Variants in NAV2 observed in about 807,000 individuals in gnomAD.
The protein encoded by NAV2 is helicase, APC down-regulated 1.
A neutral mutation model predicts 223.2 loss-of-function variants in NAV2; 54 were observed. The observed-to-expected ratio is 0.24, with a 90% CI of 0.19 to 0.30. NAV2 has a LOEUF of 0.30. Among genes scored for constraint, NAV2 ranks in the 10% least tolerant of loss-of-function variants. NAV2 has a pLI of 1.00. For missense variants in NAV2, 2,806 were observed against 3,147.5 expected (o/e 0.89, Z 2.60); for synonymous variants, 1,279 against 1,239.3 (o/e 1.03, Z -0.67).
At chr11:19,773,884 A>G (rs1378497216) in intron 1 of NAV2, among the ~76,000 whole-genome samples, 2 of 152,142 alleles carry the variant, frequency 1.3e-5, no homozygotes, top group East Asian at 3.9e-4. Flanking sequence ...TTTTAAAGCT[A>G]TCTTCTTGCT....
intron 1 of NAV2, among the ~76,000 whole-genome samples, chr11:19,432,217 A>G (rs551763657): frequency 1.4e-5 from 2 of 147,782 alleles, no homozygotes; most frequent in Admixed American, 6.7e-5. Flanking sequence ...AAAAAAAAGC[A>G]TTGATAAGCT....
At position 19,688,975 on chromosome 11, in the gene NAV2, A is replaced by G. The variant is rs187274615; in HGVS notation, c.76-143509A>G. On this transcript the variant is annotated intron_variant, in intron 1 of 37. Transcript: ENST00000360655. ...ATGAAAAACTAGATTATTTTTTCAGAGAGTAGAGGAGGAAGGCTGTAAGCA... is the reference window on the plus strand; with the variant it reads ...ATGAAAAACTAGATTATTTTTTCAGGGAGTAGAGGAGGAAGGCTGTAAGCA... 3.7e-4 allele frequency among the ~76,000 whole-genome samples: 57 copies of G among 152,284 alleles called. No homozygotes were observed. In the East Asian group the frequency reaches 5.0e-3, roughly 13 times the overall value.
In NAV2 at chr11:19,762,825, G is replaced by A. The variant is rs571709432; in HGVS notation, c.267+48863G>A. 3.2e-4 allele frequency among the ~76,000 whole-genome samples: 49 copies of A among 152,034 alleles called. No homozygotes were observed. The South Asian group carries it at 8.6e-3, about 27-fold the overall frequency. ...GACGGGGTTTCACCATGTTAGCCAG[G>A]ATGGTCTCAATTTCTTGACCTTGTG... On this transcript the variant is annotated intron_variant, in intron 1 of 37. Coordinates refer to ENST00000349880, the MANE Select transcript of NAV2 (RefSeq NM_145117.5).
chr11:19,914,665 C>T (rs962102934), intron 6 of NAV2, among the ~76,000 whole-genome samples: 16 of 151,924 alleles, frequency 1.1e-4, no homozygotes, highest in Non-Finnish European at 1.8e-4. Flanking sequence ...CTGCCTCAGC[C>T]TCCCGAGTAG....
chr11:19,451,437 C>G (rs1191617609), intron 1 of NAV2, among the ~76,000 whole-genome samples: 2 of 152,214 alleles, frequency 1.3e-5, no homozygotes, highest in Non-Finnish European at 2.9e-5. Flanking sequence ...TCTCTCCTTC[C>G]TTCCCTGCAT....
rs114061839 is a variant in NAV2 at position 19,642,667 on chromosome 11, G to C, written c.76-189817G>C. Among the ~76,000 whole-genome samples the C allele has an allele frequency of 1.7e-3, 262 of 152,228 alleles. 1 individual carries two copies. The highest frequency in any genetic ancestry group is 6.1e-3 in the African/African-American group (253 of 41,540). ...TTGAGCATCTCGGAATAAGATCTTTGCTCTCAGCATCTGTGCCAATTCTCG... is the reference window on the plus strand; with the variant it reads ...TTGAGCATCTCGGAATAAGATCTTTCCTCTCAGCATCTGTGCCAATTCTCG... On this transcript the variant is annotated intron_variant, in intron 1 of 37. Coordinates refer to the NAV2 transcript ENST00000360655.
chr11:19,387,828 G>GA (rs563800048), intron 1 of NAV2, among the ~76,000 whole-genome samples: 2,653 of 151,928 alleles, frequency 0.017, 39 homozygotes, highest in Non-Finnish European at 0.029. Context: ...AGCATTTACA[G>GA]AAAAAAAAGC....
In NAV2 at chr11:20,068,324, A is replaced by G. The variant is rs775273400; in HGVS notation, c.4909A>G (p.Ile1637Val). 3 of 1,614,028 alleles carry G rather than the reference A, an allele frequency of 1.9e-6. No homozygotes were observed. The East Asian group carries it at 6.7e-5, about 36-fold the overall frequency. ...STPEEKCQSE[I>V]RKLRRELDAS... ...TAACCCTCTCCCTTGTCATCTTTAG[A>G]TTCGCAAGCTGCGGCGGGAACTGGA... is the stretch of plus-strand genomic sequence containing the variant. Residue 1637 changes from isoleucine (I) to valine (V), a missense_variant and splice_region_variant, in exon 22 of 38, where the codon ATT (isoleucine) becomes GTT (valine). Around this residue, in one of 4 missense-constraint regions of NAV2, gnomAD observed 824 missense variants for 1,069.4 expected, o/e 0.77. Transcript: ENST00000349880.
chr11:20,042,286 T>C (rs1174629732), intron 12 of NAV2, among the ~76,000 whole-genome samples: 1 of 152,210 alleles, frequency 6.6e-6, no homozygotes, highest in Non-Finnish European at 1.5e-5. Context: ...GATAAGATAA[T>C]TTTGCTAATG....
intron 10 of NAV2, among the ~76,000 whole-genome samples, chr11:19,979,364 C>T (rs2050100026): frequency 6.6e-6 from 1 of 152,170 alleles, no homozygotes; most frequent in Admixed American, 6.5e-5. Flanking sequence ...CCAAGATGTT[C>T]AAAACCATCC....
rs185672017 is a variant in NAV2 at position 19,480,817 on chromosome 11, G to A, written c.75+129790G>A. Among the ~76,000 whole-genome samples, 1,182 of 152,302 alleles carry A rather than the reference G, an allele frequency of 7.8e-3. 5 individuals are homozygous for A. The highest frequency in any genetic ancestry group is 0.012 in the Non-Finnish European group (808 of 68,032). ...TTGACTGCAGAAACCAAGATTAGAG[G>A]TGAGGGTCCAGGCTCCCAGACCAGC... On this transcript the variant is annotated intron_variant, in intron 1 of 37. Transcript: ENST00000360655.
chr11:19,728,246 A>G (rs143948912), intron 1 of NAV2, among the ~76,000 whole-genome samples: 4 of 152,340 alleles, frequency 2.6e-5, no homozygotes, highest in Non-Finnish European at 5.9e-5. Flanking sequence ...AGTCAAAAAC[A>G]TTAAGTTCTC....
intron 1 of NAV2, among the ~76,000 whole-genome samples, chr11:19,442,119 G>A (rs1156238128): frequency 2.0e-5 from 3 of 152,216 alleles, no homozygotes; most frequent in Admixed American, 2.0e-4. Flanking sequence ...TTAGAAACAG[G>A]GACTGCTGTG....
chr11:19,655,901 T>A (rs1023640), intron 1 of NAV2, among the ~76,000 whole-genome samples: 131,442 of 151,632 alleles, frequency 0.87, 58,042 homozygotes, highest in Middle Eastern at 0.97. Flanking sequence ...ATAAAAAATT[T>A]AAAAAAAAGA....
chr11:19,679,855 A>G (rs935960762), intron 1 of NAV2, among the ~76,000 whole-genome samples: 1 of 152,218 alleles, frequency 6.6e-6, no homozygotes, highest in East Asian at 1.9e-4. Flanking sequence ...AGAACTTAAC[A>G]CATAATGTGT....
At chr11:19,621,912 TAA>T (rs2047010630) in intron 1 of NAV2, among the ~76,000 whole-genome samples, 1 of 152,346 alleles carries the variant, frequency 6.6e-6, no homozygotes, top group East Asian at 1.9e-4. Context: ...AATTTCCCTG[TAA>T]ACACTGCTTT....
intron 1 of NAV2, among the ~76,000 whole-genome samples, chr11:19,357,181 T>C (rs1249536358): frequency 1.3e-5 from 2 of 152,186 alleles, no homozygotes; most frequent in Non-Finnish European, 2.9e-5. Flanking sequence ...AGATCCAGGA[T>C]TGGCACATTT....
rs2048494595 is a variant in NAV2, at chr11:19,668,619, A to G, written c.76-163865A>G. 3.4e-5 allele frequency among the ~76,000 whole-genome samples: 5 copies of G among 149,208 alleles called. No homozygotes were observed. The Admixed American group carries it at 3.4e-4, about 10-fold the overall frequency. ...GTTTGTAGCTCAGTGATGATCTTGC[A>G]TCATCTCAATCCAGGGTGGGGCACA... is the stretch of plus-strand genomic sequence containing the variant. On this transcript the variant is annotated intron_variant, in intron 1 of 37. Coordinates refer to the NAV2 transcript ENST00000360655.
intron 1 of NAV2, among the ~76,000 whole-genome samples, chr11:19,773,762 G>A (rs947127683): frequency 1.3e-5 from 2 of 152,082 alleles, no homozygotes; most frequent in African/African-American, 4.8e-5. Flanking sequence ...CCATCATGCT[G>A]GTGATATCAG....
Sources: allele counts gnomAD v4.1 joint callset (sites outside exome capture counted in the v4.1 genomes callset), GRCh38; gene constraint gnomAD v4.1.1; regional missense constraint gnomAD v4.1.1; transcripts MANE v1.5; gene names NCBI Gene and HGNC (gene_info 2026-07-23, HGNC 2026-07-21).